ARHGAP19: variants seen among roughly 807,000 people sequenced by gnomAD.
ARHGAP19 encodes the protein rho GTPase-activating protein 19.
ARHGAP19 carries 48 observed loss-of-function variants against 60.9 expected under a neutral mutation model. That is an observed-to-expected ratio of 0.79 (90% CI 0.62 to 1.00). ARHGAP19 has a LOEUF of 1.00. ARHGAP19 is among the 50% of genes least tolerant of loss of function. The probability of loss-of-function intolerance (pLI) is 0.00; values close to 1 mark genes in which losing one functional copy is unlikely to be tolerated. For missense variants in ARHGAP19, 562 were observed against 597.2 expected, an observed-to-expected ratio of 0.94 and a Z score of 0.61; for synonymous variants, 209 against 215.5, an observed-to-expected ratio of 0.97 and a Z score of 0.27.
chr10:97,232,012 C>T (rs1011321442), intron 9 of ARHGAP19, among the ~76,000 whole-genome samples: 39 of 146,578 alleles, frequency 2.7e-4, no homozygotes, highest in African/African-American at 9.6e-4. Context: ...AATAGTCATC[C>T]TAGTGGGTGT....
intron 5 of ARHGAP19, 143 bp downstream of exon 5, chr10:97,259,259 A>G: frequency 1.5e-6 from 1 of 672,860 alleles, no homozygotes; most frequent in African/African-American, 1.8e-5. Context: ...ATGACTCTTC[A>G]ATGAACTAAT....
intron 9 of ARHGAP19, among the ~76,000 whole-genome samples, chr10:97,232,305 A>G (rs1160951186): frequency 1.3e-5 from 2 of 151,948 alleles, no homozygotes; most frequent in East Asian, 3.9e-4. Context: ...CTGGGACTAC[A>G]GGCACATGCC....
intron 1 of ARHGAP19, among the ~76,000 whole-genome samples, chr10:97,273,446 A>G (rs12358104): frequency 0.042 from 6,282 of 148,226 alleles, 200 homozygotes; most frequent in Non-Finnish European, 0.061. Flanking sequence ...TATAGGCATG[A>G]GCCACCACGC....
Position 97,259,495 on chromosome 10 carries a change from GAGATCA to G in ARHGAP19, c.741_746del (p.Asp248_Leu249del). 1 of 1,614,176 alleles carries G rather than the reference GAGATCA, an allele frequency of 6.2e-7. No homozygotes were observed. The highest frequency in any genetic ancestry group is 1.6e-4 in the Middle Eastern group (1 of 6,062). On this transcript the variant is annotated inframe_deletion, in exon 5 of 12. Transcript: ENST00000358531. ...CTTGTTTCTTTGCTGTCTGGTATAGGAGATCAAGCAATAACTTCAGCAAATTACGAT... is the reference window on the plus strand; with the variant it reads ...CTTGTTTCTTTGCTGTCTGGTATAGGAGCAATAACTTCAGCAAATTACGAT...
chr10:97,223,717 C>T lies in ARHGAP19; in HGVS notation c.*2405G>A, dbSNP rs904748829. ...CTGGCTCAAAAACAATACCTGCCCA[C>T]CAAATCAGAAGGGAGACAGCAGCCT... On this transcript the variant is annotated 3_prime_UTR_variant, in exon 12 of 12. Coordinates refer to ENST00000358531, the MANE Select transcript of ARHGAP19 (RefSeq NM_032900.6). The T allele has an allele frequency of 6.6e-6, 1 of 152,128 alleles. No homozygotes were observed. Among genetic ancestry groups the T allele is most frequent in the Admixed American group, 6.5e-5 (1 of 15,270 alleles). The allele number at this position is 152,128 out of a possible 1,614,324, so 9.4% of individuals were successfully genotyped here. A position where few individuals can be genotyped will look rare whatever the true frequency, so the allele number is the denominator to read the frequency against.
chr10:97,248,358 G>A (rs1842593344), intron 6 of ARHGAP19, among the ~76,000 whole-genome samples: 1 of 151,940 alleles, frequency 6.6e-6, no homozygotes, highest in South Asian at 2.1e-4. Context: ...AGGCTGCTGT[G>A]AGCCCAGATC....
chr10:97,271,719 TC>T lies in ARHGAP19; in HGVS notation c.57-5595del, dbSNP rs1564726478. 8.5e-5 allele frequency among the ~76,000 whole-genome samples: 13 copies of T among 152,214 alleles called. No homozygotes were observed. In the East Asian group the frequency reaches 2.1e-3, roughly 25 times the overall value. On this transcript the variant is annotated intron_variant, in intron 1 of 11. Coordinates refer to ENST00000358531, the MANE Select transcript of ARHGAP19 (RefSeq NM_032900.6). ...TATTTTAGACAGAGTCTCACTCTTG[TC>T]ACCCAGGCTGCAGTGTAGTGGCACA...
intron 1 of ARHGAP19, among the ~76,000 whole-genome samples, chr10:97,273,484 C>T (rs573436404): frequency 1.4e-3 from 125 of 92,540 alleles, no homozygotes; most frequent in African/African-American, 2.5e-3. Context: ...TTTCTGCTCT[C>T]TTTTTTTTTT....
intron 1 of ARHGAP19, among the ~76,000 whole-genome samples, chr10:97,291,295 G>A (rs961558233): frequency 2.0e-5 from 3 of 152,156 alleles, no homozygotes; most frequent in Admixed American, 2.0e-4. Context: ...ACAAAAAAGA[G>A]TGGAAAACTC....
chr10:97,257,849 A>T (rs1842776716), intron 5 of ARHGAP19, among the ~76,000 whole-genome samples: 1 of 152,100 alleles, frequency 6.6e-6, no homozygotes, highest in Admixed American at 6.6e-5. Flanking sequence ...ATAATCTCAA[A>T]AATTTTTTAT....
At chr10:97,234,259 C>A (rs1293727442) in intron 9 of ARHGAP19, among the ~76,000 whole-genome samples, 1 of 151,646 alleles carries the variant, frequency 6.6e-6, no homozygotes, top group Non-Finnish European at 1.5e-5. Context: ...AACAGCGAGA[C>A]TCTGTCTCAA....
Position 97,235,294 on chromosome 10 carries a change from G to C in ARHGAP19, c.1207C>G (p.Gln403Glu). ...GTAGAAGGTTCTCGCCCTGGTGTCT[G>C]GGTCAATGATTGCTTATTAAACTAA... ...IRQFNKQSLT[Q>E]TPGREPSTSQ... Residue 403 changes from glutamine to glutamate, a missense_variant, in exon 9 of 12, where the codon CAG (glutamine) becomes GAG (glutamate). By Grantham distance (29) the Gln-to-Glu change is conservative. Coordinates refer to ENST00000358531, the MANE Select transcript of ARHGAP19 (RefSeq NM_032900.6). 1 of 1,613,240 alleles carries C rather than the reference G, an allele frequency of 6.2e-7. No individual in the cohort carries two copies. Among genetic ancestry groups the C allele is most frequent in the Non-Finnish European group, 8.5e-7 (1 of 1,179,354 alleles).
At chr10:97,289,650 C>T (rs1441060016) in intron 1 of ARHGAP19, among the ~76,000 whole-genome samples, 8 of 151,916 alleles carry the variant, frequency 5.3e-5, no homozygotes, top group Non-Finnish European at 1.0e-4. Flanking sequence ...CCCTGGGCAA[C>T]ATGGCAAGAC....
intron 11 of ARHGAP19, 151 bp downstream of exon 11, chr10:97,228,996 T>G: frequency 2.7e-6 from 2 of 751,694 alleles, no homozygotes; most frequent in Non-Finnish European, 4.7e-6. Context: ...AACCATCTGG[T>G]GAATGAACTC....
intron 6 of ARHGAP19, among the ~76,000 whole-genome samples, chr10:97,248,328 C>T (rs1742924299): frequency 6.6e-6 from 1 of 151,796 alleles, no homozygotes; most frequent in African/African-American, 2.4e-5. Flanking sequence ...GTGGGAGGAT[C>T]GACTGGTCCC....
At chr10:97,240,289 C>G (rs11189054) in intron 8 of ARHGAP19, among the ~76,000 whole-genome samples, 1 of 152,090 alleles carries the variant, frequency 6.6e-6, no homozygotes, top group Admixed American at 6.5e-5. Flanking sequence ...AACTAAAAAC[C>G]TAATTCCCAA....
chr10:97,245,930 A>C (rs1431008993), intron 7 of ARHGAP19, among the ~76,000 whole-genome samples: 1 of 151,414 alleles, frequency 6.6e-6, no homozygotes, highest in Non-Finnish European at 1.5e-5. Flanking sequence ...TGTGGGGGGG[A>C]GGCACTTTTT....
chr10:97,274,342 G>A (rs1842998123), intron 1 of ARHGAP19, among the ~76,000 whole-genome samples: 1 of 152,052 alleles, frequency 6.6e-6, no homozygotes, highest in Non-Finnish European at 1.5e-5. Context: ...GCGGGCACCT[G>A]TAATCCCAGC....
chr10:97,265,260 G>A (rs1736950455), intron 2 of ARHGAP19: 1 of 189,264 alleles, frequency 5.3e-6, no homozygotes, highest in African/African-American at 2.4e-5. Context: ...CCAGCGCTTT[G>A]GGAGGCTGAG....
Sources: allele counts gnomAD v4.1 joint callset (sites outside exome capture counted in the v4.1 genomes callset), GRCh38; gene constraint gnomAD v4.1.1; transcripts MANE v1.5; gene names NCBI Gene and HGNC (gene_info 2026-07-23, HGNC 2026-07-21).